ZNF644: variants seen among roughly 807,000 people sequenced by gnomAD.
ZNF644 encodes zinc finger motif enhancer binding protein 2.
A neutral mutation model predicts 108.0 loss-of-function variants in ZNF644; 20 were observed. The observed-to-expected ratio is 0.19, with a 90% CI of 0.13 to 0.27. The LOEUF (loss-of-function observed/expected upper bound fraction) is 0.27. Among genes scored for constraint, ZNF644 ranks in the 10% least tolerant of loss-of-function variants. The pLI is 1.00. For synonymous variants in ZNF644, 542 were observed against 539.1 expected, an observed-to-expected ratio of 1.01 and a Z score of -0.08; for missense variants, 1,338 against 1,548.9, an observed-to-expected ratio of 0.86 and a Z score of 2.29.
At chr1:90,962,289 G>A (rs1396894125) in intron 2 of ZNF644, among the ~76,000 whole-genome samples, 1 of 151,828 alleles carries the variant, frequency 6.6e-6, no homozygotes, top group African/African-American at 2.4e-5. Flanking sequence ...CCATAGTGTT[G>A]GTGCTTTAGA....
At chr1:90,969,744 T>C (rs933439909) in intron 2 of ZNF644, among the ~76,000 whole-genome samples, 1 of 152,176 alleles carries the variant, frequency 6.6e-6, no homozygotes, top group Non-Finnish European at 1.5e-5. Flanking sequence ...AAATCTCTCA[T>C]TGTGTCTAAT....
chr1:90,934,622 A>G lies in ZNF644; in HGVS notation c.3688+2863T>C, dbSNP rs373187137. Among the ~76,000 whole-genome samples the G allele has an allele frequency of 5.3e-5, 8 of 152,224 alleles. No homozygotes were observed. In the East Asian group the frequency reaches 7.7e-4, roughly 15 times the overall value. ...AAAATTTTCACAGATGAGCAGTATT[A>G]AGAGGTATCTGCAAGGTTGGGCTAA... On this transcript the variant is annotated intron_variant, in intron 4 of 5. Transcript: ENST00000337393.
rs553640557 is a variant in ZNF644, at chr1:91,011,319, G to A, written c.-18+10671C>T. 3.9e-3 allele frequency among the ~76,000 whole-genome samples: 594 copies of A among 152,034 alleles called. 3 individuals are homozygous for A. The highest frequency in any genetic ancestry group is 0.02 in the South Asian group (98 of 4,802). ...AGTAAATATTTTCATTTATAAACTC[G>A]AGCATTCACAATCCAAATGTTAATG... On this transcript the variant is annotated intron_variant, in intron 1 of 5. Coordinates refer to ENST00000337393, the MANE Select transcript of ZNF644 (RefSeq NM_201269.3).
intron 1 of ZNF644, among the ~76,000 whole-genome samples, chr1:91,013,658 T>G (rs1660177197): frequency 6.6e-6 from 1 of 152,122 alleles, no homozygotes; most frequent in South Asian, 2.1e-4. Context: ...TCAGTTCAAT[T>G]TCTATGTTAT....
Position 90,940,160 on chromosome 1 carries a change from T to C in ZNF644, c.1194A>G (p.Ser398=), listed in dbSNP as rs748932767. Residue 398 remains serine (S), a synonymous_variant, in exon 3 of 6, where the codon TCA becomes TCG. Coordinates refer to ENST00000337393, the MANE Select transcript of ZNF644 (RefSeq NM_201269.3). ...GCTCTTCGGTACTGAAAGTAGCAGG[T>C]GACTCAGAATCACTCTCTTCACATT... ...KKKCEESDSE[S]PATFSTEEPS... is the part of the protein sequence containing the mutation. 3.0e-5 allele frequency: 49 copies of C among 1,613,924 alleles called. No individual in the cohort carries two copies. The highest frequency in any genetic ancestry group is 4.0e-5 in the Non-Finnish European group (47 of 1,179,964).
At chr1:90,920,106 T>C (rs1377702258) in intron 4 of ZNF644, among the ~76,000 whole-genome samples, 1 of 152,056 alleles carries the variant, frequency 6.6e-6, no homozygotes, top group Non-Finnish European at 1.5e-5. Context: ...GAAATAGAGT[T>C]CAGGGAACTC....
intron 2 of ZNF644, among the ~76,000 whole-genome samples, chr1:90,949,993 T>G (rs1652917538): frequency 6.6e-6 from 1 of 151,826 alleles, no homozygotes; most frequent in African/African-American, 2.4e-5. Flanking sequence ...AAAATAGCGC[T>G]GGGGCCGGGG....
At chr1:90,967,614 A>C (rs1655048449) in intron 2 of ZNF644, among the ~76,000 whole-genome samples, 1 of 152,188 alleles carries the variant, frequency 6.6e-6, no homozygotes, top group Non-Finnish European at 1.5e-5. Flanking sequence ...GCTGACTATA[A>C]ATGAATAAAG....
chr1:90,939,379 G>T lies in ZNF644; in HGVS notation c.1975C>A (p.Gln659Lys). 6.2e-7 allele frequency: 1 copy of T among 1,613,948 alleles called. No individual in the cohort carries two copies. The change falls in exon 3 of 6, where the codon CAA becomes AAA. Residue 659 changes from glutamine (Q) to lysine (K), a missense_variant. Around this residue, in one of 6 missense-constraint regions of ZNF644, gnomAD observed 462 missense variants for 472.6 expected, o/e 0.98. Coordinates refer to ENST00000337393, the MANE Select transcript of ZNF644 (RefSeq NM_201269.3). ...GATCCAAATGTTCGCTTCACATCTT[G>T]TTTTAAAGCAGAGTTCTTTGGAAAT... ...TTFPKNSALKQDVKRTFGSTS... is the reference protein window; with the variant it reads ...TTFPKNSALKKDVKRTFGSTS...
intron 1 of ZNF644, among the ~76,000 whole-genome samples, chr1:90,987,025 C>T (rs1461803116): frequency 1.4e-5 from 2 of 147,192 alleles, no homozygotes; most frequent in African/African-American, 5.0e-5. Context: ...AAAAGCAGTA[C>T]TAAGAGAGAG....
intron 2 of ZNF644, among the ~76,000 whole-genome samples, chr1:90,981,205 G>C (rs1044536083): frequency 6.6e-6 from 1 of 151,952 alleles, no homozygotes; most frequent in African/African-American, 2.4e-5. Flanking sequence ...AAATGCTACA[G>C]AAGTAAATTA....
intron 1 of ZNF644, among the ~76,000 whole-genome samples, chr1:90,988,264 T>A (rs1443888398): frequency 6.6e-6 from 1 of 152,014 alleles, no homozygotes; most frequent in Non-Finnish European, 1.5e-5. Context: ...CAATGAGCAA[T>A]TTGAAAAAGA....
chr1:90,963,863 C>T (rs2101158735), intron 2 of ZNF644, among the ~76,000 whole-genome samples: 1 of 152,120 alleles, frequency 6.6e-6, no homozygotes, highest in South Asian at 2.1e-4. Context: ...GGAGTGTTTA[C>T]TTTGTGGTGA....
At chr1:90,974,872 C>CT (rs1482188904) in intron 2 of ZNF644, among the ~76,000 whole-genome samples, 7 of 152,224 alleles carry the variant, frequency 4.6e-5, no homozygotes, top group Non-Finnish European at 7.3e-5. Flanking sequence ...CAGCCTTACT[C>CT]TCTCGTCTAA....
At chr1:90,998,979 G>C (rs1210072542) in intron 1 of ZNF644, among the ~76,000 whole-genome samples, 7 of 152,160 alleles carry the variant, frequency 4.6e-5, no homozygotes, top group Admixed American at 4.6e-4. Flanking sequence ...GAAATGAAAT[G>C]AGAAGTTTAG....
intron 1 of ZNF644, among the ~76,000 whole-genome samples, chr1:90,996,981 C>T (rs151314774): frequency 6.6e-6 from 1 of 152,226 alleles, no homozygotes; most frequent in African/African-American, 2.4e-5. Context: ...CCCCCAATAC[C>T]CTAGGACAAC....
At chr1:90,968,728 G>A (rs1205541769) in intron 2 of ZNF644, among the ~76,000 whole-genome samples, 3 of 152,054 alleles carry the variant, frequency 2.0e-5, no homozygotes, top group African/African-American at 7.2e-5. Context: ...AAGGTATACT[G>A]TAACTCCCTT....
chr1:90,971,727 C>T (rs1557614860), intron 2 of ZNF644, among the ~76,000 whole-genome samples: 1 of 152,032 alleles, frequency 6.6e-6, no homozygotes, highest in Admixed American at 6.6e-5. Context: ...AAGAAAAGCC[C>T]ACTTCTACGT....
intron 4 of ZNF644, among the ~76,000 whole-genome samples, chr1:90,928,102 TC>T (rs1322001676): frequency 6.6e-6 from 1 of 151,920 alleles, no homozygotes; most frequent in Non-Finnish European, 1.5e-5. Context: ...TGCCTCGGCC[TC>T]CCAAAGTGCT....
Sources: allele counts gnomAD v4.1 joint callset (sites outside exome capture counted in the v4.1 genomes callset), GRCh38; gene constraint gnomAD v4.1.1; regional missense constraint gnomAD v4.1.1; transcripts MANE v1.5; gene names NCBI Gene and HGNC (gene_info 2026-07-23, HGNC 2026-07-21).